The following DNAJC11 variants were observed in gnomAD, a reference collection of about 807,000 sequenced individuals.
The protein encoded by DNAJC11 is dnaJ homolog subfamily C member 11.
In DNAJC11, 15 loss-of-function variants were observed where a neutral mutation model predicts 78.6. The ratio of observed to expected loss-of-function variants is 0.19; its 90% CI spans 0.13 to 0.29. The LOEUF (loss-of-function observed/expected upper bound fraction) is 0.29, where lower values mean the gene tolerates loss of function less well. Among genes scored for constraint, DNAJC11 ranks in the 10% least tolerant of loss-of-function variants. The pLI is 1.00. For synonymous variants in DNAJC11, 292 were observed against 272.1 expected (o/e 1.07, Z -0.72); for missense variants, 547 against 709.6 (o/e 0.77, Z 2.60).
At chr1:6,657,864 C>T (rs575029229) in intron 4 of DNAJC11, among the ~76,000 whole-genome samples, 25 of 152,350 alleles carry the variant, frequency 1.6e-4, no homozygotes, top group African/African-American at 5.8e-4. Context: ...CCAGGATGGT[C>T]TCGATCTCCT....
intron 12 of DNAJC11, 88 bp downstream of exon 12, chr1:6,638,207 T>C (rs1641816426): frequency 3.7e-6 from 5 of 1,340,902 alleles, no homozygotes; most frequent in Non-Finnish European, 4.1e-6. Flanking sequence ...AGAAGAGAAG[T>C]CTGACCTCTA....
At chr1:6,695,215 G>C (rs1642816179) in intron 1 of DNAJC11, among the ~76,000 whole-genome samples, 1 of 151,398 alleles carries the variant, frequency 6.6e-6, no homozygotes, top group Admixed American at 6.6e-5. Flanking sequence ...AACCCAGGCT[G>C]GTCTCAAACT....
At chr1:6,643,450 T>A (rs1641912891) in intron 10 of DNAJC11, among the ~76,000 whole-genome samples, 1 of 151,916 alleles carries the variant, frequency 6.6e-6, no homozygotes, top group Non-Finnish European at 1.5e-5. Flanking sequence ...TAATTTTTTG[T>A]ATTTTTAGTA....
intron 4 of DNAJC11, among the ~76,000 whole-genome samples, chr1:6,662,128 G>GTTTTTTTTTTTT (rs1222028818): frequency 7.3e-6 from 1 of 137,842 alleles, no homozygotes; most frequent in Non-Finnish European, 1.5e-5. Flanking sequence ...ATTGTTTTTT[G>GTTTTTTTTTTTT]TTTTTTGTTT....
chr1:6,701,033 G>C (rs558213241), intron 1 of DNAJC11, among the ~76,000 whole-genome samples: 60 of 152,316 alleles, frequency 3.9e-4, no homozygotes, highest in African/African-American at 1.3e-3. Context: ...TGAGGAGACA[G>C]GGTACAAGTG....
Position 6,634,733 on chromosome 1 carries a change from G to A in DNAJC11, c.*942C>T. 1 of 1,358,188 alleles carries A rather than the reference G, an allele frequency of 7.4e-7. No homozygotes were observed. Among genetic ancestry groups the A allele is most frequent in the South Asian group, 1.2e-5 (1 of 86,542 alleles). 84.1% of individuals were successfully genotyped at this position (1,358,188 alleles called of 1,614,324 possible). On this transcript the variant is annotated 3_prime_UTR_variant, in exon 16 of 16. Transcript: ENST00000377577. ...AGGAAGGCTCCGGAGCACAGGCCCT[G>A]GTGTTCCTGTGAGGACGCTGGACCT...
At chr1:6,685,668 C>G (rs1052318914) in intron 1 of DNAJC11, among the ~76,000 whole-genome samples, 1 of 152,164 alleles carries the variant, frequency 6.6e-6, no homozygotes, top group Non-Finnish European at 1.5e-5. Flanking sequence ...TGACTGGGAA[C>G]CCAGGCAGGA....
At chr1:6,659,371 C>T (rs941727359) in intron 4 of DNAJC11, among the ~76,000 whole-genome samples, 3 of 152,202 alleles carry the variant, frequency 2.0e-5, no homozygotes, top group Admixed American at 1.3e-4. Context: ...CCTCTATCTG[C>T]AACACTCTTC....
At chr1:6,695,449 T>C (rs978906880) in intron 1 of DNAJC11, among the ~76,000 whole-genome samples, 8 of 152,002 alleles carry the variant, frequency 5.3e-5, no homozygotes, top group African/African-American at 1.9e-4. Flanking sequence ...CATCCTGGCC[T>C]ACAGTAAGTG....
At position 6,664,245 on chromosome 1, in the gene DNAJC11, T is replaced by C. The variant is rs145316461; in HGVS notation, c.378+3464A>G. ...GGTTCGAAGGCCATTTTCTTTCTTT[T>C]TTTTTTTTTTTTGAGACAGAGTCTC... is the stretch of plus-strand genomic sequence containing the variant. On this transcript the variant is annotated intron_variant, in intron 4 of 15. Coordinates refer to ENST00000377577, the MANE Select transcript of DNAJC11 (RefSeq NM_018198.4). Among the ~76,000 whole-genome samples, 648 of 150,978 alleles carry C rather than the reference T, an allele frequency of 4.3e-3. 6 individuals are homozygous for C. The highest frequency in any genetic ancestry group is 0.015 in the African/African-American group (607 of 41,316).
At chr1:6,668,570 C>G (rs1642327612) in intron 3 of DNAJC11, among the ~76,000 whole-genome samples, 1 of 152,094 alleles carries the variant, frequency 6.6e-6, no homozygotes, top group Non-Finnish European at 1.5e-5. Context: ...CTTCTTGGAC[C>G]AAGGATCTCG....
intron 3 of DNAJC11, among the ~76,000 whole-genome samples, chr1:6,673,587 C>T (rs1642414244): frequency 6.6e-6 from 1 of 152,210 alleles, no homozygotes; most frequent in African/African-American, 2.4e-5. Context: ...ATAGCCTGCA[C>T]CCAGGTTCCC....
intron 1 of DNAJC11, among the ~76,000 whole-genome samples, chr1:6,701,449 T>C (rs1642926609): frequency 6.6e-6 from 1 of 152,182 alleles, no homozygotes; most frequent in Non-Finnish European, 1.5e-5. Context: ...CCGTTTCCTC[T>C]TGAGCGTGCG....
intron 4 of DNAJC11, among the ~76,000 whole-genome samples, chr1:6,657,503 G>A (rs116345233): frequency 0.025 from 3,783 of 152,266 alleles, 76 homozygotes; most frequent in East Asian, 0.072. Flanking sequence ...CCAATCCACA[G>A]AACTGTGAGA....
At chr1:6,681,072 A>G (rs990102883) in intron 1 of DNAJC11, 35 bp from the exon 2 acceptor site, 5 of 1,582,702 alleles carry the variant, frequency 3.2e-6, no homozygotes, top group Non-Finnish European at 4.3e-6. Context: ...AGAACAATCA[A>G]TGCTACTTAA....
intron 1 of DNAJC11, among the ~76,000 whole-genome samples, chr1:6,681,323 A>G (rs1397253251): frequency 6.6e-6 from 1 of 152,218 alleles, no homozygotes; most frequent in Non-Finnish European, 1.5e-5. Context: ...TCTGAGCTGA[A>G]ACAAAAATGT....
intron 9 of DNAJC11, 110 bp from the exon 10 acceptor site, chr1:6,644,784 C>T (rs188178644): frequency 6.9e-4 from 672 of 968,808 alleles, no homozygotes; most frequent in Non-Finnish European, 5.0e-4. Flanking sequence ...CCAGCCTCCT[C>T]GACCCCCAGG....
At chr1:6,681,421 T>C (rs556196436) in intron 1 of DNAJC11, among the ~76,000 whole-genome samples, 26 of 152,180 alleles carry the variant, frequency 1.7e-4, no homozygotes, top group Non-Finnish European at 3.4e-4. Context: ...AGAAAAGCTA[T>C]ATACCATTAG....
Position 6,645,224 on chromosome 1 carries a change from C to G in DNAJC11, c.895-98G>C, listed in dbSNP as rs1271117776. ...CCACTAGCTCTGGGCATCTGCTGCA[C>G]ACAGGCCTTTAAGGCAGGGGTCACG... On this transcript the variant is annotated intron_variant, in intron 8 of 15. Coordinates refer to ENST00000377577, the MANE Select transcript of DNAJC11 (RefSeq NM_018198.4). This position sits in a 1 kb window ranked among gnomAD's most constrained non-coding sequence, Gnocchi z 4.1. 1.1e-6 allele frequency: 1 copy of G among 941,046 alleles called. No homozygotes were observed. The highest frequency in any genetic ancestry group is 1.7e-6 in the Non-Finnish European group (1 of 584,060). 58.3% of individuals were successfully genotyped at this position (941,046 alleles called of 1,614,324 possible). A position where few individuals can be genotyped will look rare whatever the true frequency, so the allele number is the denominator to read the frequency against.
Sources: gnomAD v4.1 joint callset for allele counts (sites outside exome capture counted in the v4.1 genomes callset) on GRCh38, gnomAD v4.1.1 for gene constraint, Gnocchi (gnomAD v3.1) non-coding constraint, MANE v1.5 for transcripts, NCBI Gene and HGNC (gene_info 2026-07-23, HGNC 2026-07-21) for gene names.